The following ANO3 variants were observed in gnomAD, a reference collection of about 807,000 sequenced individuals.
The protein encoded by ANO3 is anoctamin 3.
A neutral mutation model predicts 144.8 loss-of-function variants in ANO3; 99 were observed. The observed-to-expected ratio is 0.68, with a 90% CI of 0.58 to 0.81. ANO3 has a LOEUF of 0.81. Ranked by LOEUF, ANO3 falls within the 30% of genes least tolerant of loss-of-function variation. The pLI, the probability that ANO3 is intolerant of heterozygous loss-of-function variation, is 0.00. For missense variants in ANO3, 905 were observed against 1,202.2 expected (o/e 0.75, Z 3.66); for synonymous variants, 414 against 392.6 (o/e 1.05, Z -0.64).
rs1590614340 is a variant in ANO3 at position 26,599,721 on chromosome 11, G to A, written c.1836+7G>A. On this transcript the variant is annotated splice_region_variant and intron_variant, in intron 17 of 26. Transcript: ENST00000256737. The stretch of plus-strand genomic sequence containing the variant: ...CATTATGTTGCTGAATCTTGTAAGT[G>A]TCTATAATGTTATTCTTCAGTAGAC... 1 of 1,610,380 alleles carries A rather than the reference G, an allele frequency of 6.2e-7. No homozygotes were observed. The highest frequency in any genetic ancestry group is 2.2e-5 in the East Asian group (1 of 44,794).
At chr11:26,344,931 A>T (rs1855461762) in intron 1 of ANO3, among the ~76,000 whole-genome samples, 1 of 146,292 alleles carries the variant, frequency 6.8e-6, no homozygotes, top group South Asian at 2.3e-4. Context: ...ATTCCATATT[A>T]ATTCATGTTT....
At chr11:26,562,840 C>A (rs532453372) in intron 14 of ANO3, among the ~76,000 whole-genome samples, 15 of 151,986 alleles carry the variant, frequency 9.9e-5, no homozygotes, top group African/African-American at 3.4e-4. Flanking sequence ...TCATTATCTT[C>A]CAATTTTATA....
intron 1 of ANO3, among the ~76,000 whole-genome samples, chr11:26,391,702 T>C (rs527349638): frequency 6.6e-6 from 1 of 152,092 alleles, no homozygotes; most frequent in African/African-American, 2.4e-5. Context: ...GTTCGTTGTT[T>C]AGAACTTTTT....
chr11:26,577,735 G>T (rs948601676), intron 14 of ANO3, among the ~76,000 whole-genome samples: 4 of 152,200 alleles, frequency 2.6e-5, no homozygotes, highest in African/African-American at 9.7e-5. Flanking sequence ...TAGATGGAGT[G>T]ATGGGTTTAA....
intron 23 of ANO3, among the ~76,000 whole-genome samples, chr11:26,644,257 C>T (rs887472044): frequency 1.3e-5 from 2 of 152,150 alleles, no homozygotes; most frequent in South Asian, 2.1e-4. Flanking sequence ...ATAACTAAAA[C>T]GGATTTCATA....
At chr11:26,386,720 A>T (rs1459851978) in intron 1 of ANO3, among the ~76,000 whole-genome samples, 2 of 152,182 alleles carry the variant, frequency 1.3e-5, no homozygotes, top group Non-Finnish European at 2.9e-5. Flanking sequence ...GTAATCTTTA[A>T]AATTGCAAAG....
intron 1 of ANO3, among the ~76,000 whole-genome samples, chr11:26,369,665 T>C (rs556478865): frequency 6.6e-6 from 1 of 152,328 alleles, no homozygotes; most frequent in African/African-American, 2.4e-5. Context: ...ACAAATTAAA[T>C]ACTCAACCTA....
chr11:26,553,418 T>C lies in ANO3; in HGVS notation c.1386+73T>C. On this transcript the variant is annotated intron_variant, in intron 13 of 26. Transcript: ENST00000256737. ...AGGCTGTAAGAAGTCCTCTAGTCAATAGCTTTTTACCAAAGTTAAGTGTTC... is the reference window on the plus strand; with the variant it reads ...AGGCTGTAAGAAGTCCTCTAGTCAACAGCTTTTTACCAAAGTTAAGTGTTC... 4 of 1,006,656 alleles carry C rather than the reference T, an allele frequency of 4.0e-6. No homozygotes were observed. In the South Asian group the frequency reaches 4.7e-5, roughly 12 times the overall value. The allele number at this position is 1,006,656 out of a possible 1,614,324, so 62.4% of individuals were successfully genotyped here.
chr11:26,245,925 T>A (rs1852780949), intron 1 of ANO3, among the ~76,000 whole-genome samples: 1 of 152,212 alleles, frequency 6.6e-6, no homozygotes, highest in African/African-American at 2.4e-5. Context: ...CCAGATGGGT[T>A]GACAGACTTC....
Position 26,624,485 on chromosome 11 carries a change from C to T in ANO3, c.1860C>T (p.Leu620=). ...LNLAYEKIAY[L]LTNLEYPRTE... is the part of the protein sequence containing the mutation. ...AGGCTTATGAAAAAATTGCTTACCTCCTCACCAATTTAGGTAAGTCCATTT... is the reference window on the plus strand; with the variant it reads ...AGGCTTATGAAAAAATTGCTTACCTTCTCACCAATTTAGGTAAGTCCATTT... The change falls in exon 18 of 27, where the codon CTC becomes CTT. Residue 620 remains leucine, a synonymous_variant. Coordinates refer to ENST00000256737, the MANE Select transcript of ANO3 (RefSeq NM_031418.4). The T allele has an allele frequency of 1.2e-6, 2 of 1,605,512 alleles. No individual in the cohort carries two copies. The highest frequency in any genetic ancestry group is 1.7e-6 in the Non-Finnish European group (2 of 1,173,034).
At chr11:26,539,196 T>C (rs903144246) in intron 10 of ANO3, among the ~76,000 whole-genome samples, 5 of 151,100 alleles carry the variant, frequency 3.3e-5, no homozygotes, top group Non-Finnish European at 5.9e-5. Context: ...AAGATATTGA[T>C]AGAATTTATA....
chr11:26,524,065 A>G (rs1565077886), intron 6 of ANO3, among the ~76,000 whole-genome samples: 3 of 152,220 alleles, frequency 2.0e-5, no homozygotes, highest in Non-Finnish European at 4.4e-5. Context: ...AAAGAGTTAA[A>G]TGCAACTGTG....
chr11:26,190,017 T>A (rs536681007), intron 1 of ANO3, among the ~76,000 whole-genome samples: 1 of 152,164 alleles, frequency 6.6e-6, no homozygotes, highest in African/African-American at 2.4e-5. Context: ...ATGTCAACAG[T>A]GAATTAATTG....
chr11:26,226,614 AT>A (rs1409263384), intron 1 of ANO3, among the ~76,000 whole-genome samples: 2 of 152,010 alleles, frequency 1.3e-5, no homozygotes, highest in Admixed American at 1.3e-4. Context: ...CATCATGGGC[AT>A]TTTCCTTGTT....
upstream of ANO3, among the ~76,000 whole-genome samples, chr11:26,305,026 G>A (rs1024520372): frequency 1.3e-5 from 2 of 151,316 alleles, no homozygotes; most frequent in Admixed American, 6.6e-5. Flanking sequence ...TTAAAAAAAA[G>A]AAAAGGGTCC....
Position 26,338,724 on chromosome 11 carries a change from T to C in ANO3, c.46+6403T>C, listed in dbSNP as rs982829701. ...CCACTGGGAGAAACAACTCCAGACG[T>C]GCCACCTTTAAGAGCTGTAACACTT... On this transcript the variant is annotated intron_variant, in intron 1 of 26. Coordinates refer to ENST00000256737, the MANE Select transcript of ANO3 (RefSeq NM_031418.4). Among the ~76,000 whole-genome samples, 6 of 151,566 alleles carry C rather than the reference T, an allele frequency of 4.0e-5. No homozygotes were observed. The East Asian group carries it at 9.7e-4, about 24-fold the overall frequency.
At chr11:26,335,095 T>TA (rs1457843438) in intron 1 of ANO3, among the ~76,000 whole-genome samples, 1 of 152,214 alleles carries the variant, frequency 6.6e-6, no homozygotes, top group Non-Finnish European at 1.5e-5. Context: ...ATACTGTATG[T>TA]AAGCCCTAAT....
At position 26,535,571 on chromosome 11, in the gene ANO3, C is replaced by CTTTTTTTT. The variant is rs72278856; in HGVS notation, c.976+1031_976+1038dup. ...AATACACTATGTTTCAAGACAGCCACTTTTTTTTTTTTTTTTTTTTTTTTT... is the reference window on the plus strand; with the variant it reads ...AATACACTATGTTTCAAGACAGCCACTTTTTTTTTTTTTTTTTTTTTTTTTTTTTTTTT... On this transcript the variant is annotated intron_variant, in intron 9 of 26. Coordinates refer to ENST00000256737, the MANE Select transcript of ANO3 (RefSeq NM_031418.4). Among the ~76,000 whole-genome samples the CTTTTTTTT allele has an allele frequency of 1.2e-3, 71 of 58,612 alleles. 6 individuals are homozygous for CTTTTTTTT. Among genetic ancestry groups the CTTTTTTTT allele is most frequent in the Admixed American group, 5.6e-3 (16 of 2,878 alleles). 38.5% of individuals were successfully genotyped at this position (58,612 alleles called of 152,430 possible).
At position 26,208,538 on chromosome 11, in the gene ANO3, G is replaced by A. The variant is rs1590193929; in HGVS notation, c.154+19208G>A. On this transcript the variant is annotated intron_variant, in intron 1 of 27. Coordinates refer to the ANO3 transcript ENST00000672621. ...AAAAAAAAAAAAAAAGGAATTGCAG[G>A]TGGACACAAACATTCAGACCATAGC... 2.0e-5 allele frequency among the ~76,000 whole-genome samples: 3 copies of A among 149,572 alleles called. No homozygotes were observed. The Middle Eastern group carries it at 0.01, about 509-fold the overall frequency.
Sources: allele counts gnomAD v4.1 joint callset (sites outside exome capture counted in the v4.1 genomes callset), GRCh38; gene constraint gnomAD v4.1.1; transcripts MANE v1.5; gene names NCBI Gene and HGNC (gene_info 2026-07-23, HGNC 2026-07-21).